Variants in KCNC2 observed in about 807,000 individuals in gnomAD.
KCNC2 encodes potassium voltage-gated channel subfamily C member 2.
In KCNC2, 21 loss-of-function variants were observed where a neutral mutation model predicts 44.5. The observed-to-expected ratio is 0.47, with a 90% CI of 0.33 to 0.68. The LOEUF (loss-of-function observed/expected upper bound fraction) is 0.68. KCNC2 is among the 30% of genes least tolerant of loss of function. The probability of loss-of-function intolerance (pLI) is 0.01; values close to 1 mark genes in which losing one functional copy is unlikely to be tolerated. For missense variants in KCNC2, 589 were observed against 826.2 expected, an observed-to-expected ratio of 0.71 and a Z score of 3.52; for synonymous variants, 391 against 339.1, an observed-to-expected ratio of 1.15 and a Z score of -1.68.
At chr12:75,096,615 T>C (rs1885946446) in intron 2 of KCNC2, among the ~76,000 whole-genome samples, 1 of 151,952 alleles carries the variant, frequency 6.6e-6, no homozygotes. Context: ...AAGAGGCAGG[T>C]AATTAGGCAA....
intron 2 of KCNC2, among the ~76,000 whole-genome samples, chr12:75,154,175 A>G (rs1408736409): frequency 6.6e-6 from 1 of 152,050 alleles, no homozygotes; most frequent in Non-Finnish European, 1.5e-5. Flanking sequence ...TAGATAGAGC[A>G]TGCTGAAGTA....
chr12:75,181,916 C>CTTTTTTTTTTTTTTTTTTTTTTTTTTT lies in KCNC2; in HGVS notation c.687+25354_687+25380dup, dbSNP rs61089425. ...AAACATTATTACTATTAATATCTTCCTTTTTTTTTTTTTTTTTTTTTTTTT... is the reference window on the plus strand; with the variant it reads ...AAACATTATTACTATTAATATCTTCCTTTTTTTTTTTTTTTTTTTTTTTTTTTTTTTTTTTTTTTTTTTTTTTTTTTT... On this transcript the variant is annotated intron_variant, in intron 2 of 4. Coordinates refer to ENST00000549446, the MANE Select transcript of KCNC2 (RefSeq NM_139137.4). Among the ~76,000 whole-genome samples the CTTTTTTTTTTTTTTTTTTTTTTTTTTT allele has an allele frequency of 6.3e-5, 3 of 47,876 alleles. 1 individual carries two copies. The highest frequency in any genetic ancestry group is 4.0e-5 in the Non-Finnish European group (1 of 25,268). The allele number at this position is 47,876 out of a possible 152,430, so 31.4% of individuals were successfully genotyped here. A position where few individuals can be genotyped will look rare whatever the true frequency, so the allele number is the denominator to read the frequency against.
At chr12:75,189,231 C>A (rs2029959153) in intron 2 of KCNC2, among the ~76,000 whole-genome samples, 1 of 152,154 alleles carries the variant, frequency 6.6e-6, no homozygotes. Flanking sequence ...ACTTCTCCAA[C>A]AATATTGTTT....
At chr12:75,130,904 C>A (rs903428235) in intron 2 of KCNC2, among the ~76,000 whole-genome samples, 1 of 152,116 alleles carries the variant, frequency 6.6e-6, no homozygotes, top group East Asian at 1.9e-4. Flanking sequence ...GAGTGAATGA[C>A]CAACATCTGC....
In KCNC2 at chr12:75,182,537, A is replaced by C. The variant is rs199610849; in HGVS notation, c.687+24760T>G. Among the ~76,000 whole-genome samples the C allele has an allele frequency of 2.8e-3, 376 of 132,278 alleles. 1 individual carries two copies. Among genetic ancestry groups the C allele is most frequent in the African/African-American group, 8.5e-3 (309 of 36,226 alleles). The allele number at this position is 132,278 out of a possible 152,430, so 86.8% of individuals were successfully genotyped here. A position where few individuals can be genotyped will look rare whatever the true frequency, so the allele number is the denominator to read the frequency against. On this transcript the variant is annotated intron_variant, in intron 2 of 4. Transcript: ENST00000549446. The stretch of plus-strand genomic sequence containing the variant: ...TTCCGTCTCAAAAAAAAAAAAAAAA[A>C]CAAAAAAAACAAAAAAAAACAAACA...
At chr12:75,120,132 G>A (rs955216644) in intron 2 of KCNC2, among the ~76,000 whole-genome samples, 31 of 152,284 alleles carry the variant, frequency 2.0e-4, no homozygotes, top group Non-Finnish European at 3.4e-4. Context: ...ATGAGCTTCA[G>A]TTTGATATTT....
chr12:75,153,648 T>C (rs1428093897), intron 2 of KCNC2, among the ~76,000 whole-genome samples: 2 of 150,262 alleles, frequency 1.3e-5, no homozygotes, highest in African/African-American at 4.9e-5. Flanking sequence ...TAAATATGTT[T>C]CTGCAAAAAA....
chr12:75,122,920 A>T (rs987791699), intron 2 of KCNC2, among the ~76,000 whole-genome samples: 1 of 152,280 alleles, frequency 6.6e-6, no homozygotes, highest in African/African-American at 2.4e-5. Flanking sequence ...ATCTGCCTTG[A>T]TAATTTACAA....
chr12:75,097,155 GC>G (rs1565851347), intron 2 of KCNC2, among the ~76,000 whole-genome samples: 1 of 152,032 alleles, frequency 6.6e-6, no homozygotes, highest in Non-Finnish European at 1.5e-5. Flanking sequence ...ATCCAAAAAG[GC>G]TACATACTGT....
intron 2 of KCNC2, among the ~76,000 whole-genome samples, chr12:75,130,248 ATC>A (rs1455286299): frequency 6.6e-6 from 1 of 152,138 alleles, no homozygotes; most frequent in Non-Finnish European, 1.5e-5. Flanking sequence ...ATGTATTTAT[ATC>A]TCTTTCAATT....
chr12:75,056,923 G>A lies in KCNC2; in HGVS notation c.688-5606C>T, dbSNP rs1881807229. Among the ~76,000 whole-genome samples the A allele has an allele frequency of 1.3e-5, 2 of 151,864 alleles. 1 individual carries two copies. Among genetic ancestry groups the A allele is most frequent in the South Asian group, 4.1e-4 (2 of 4,832 alleles). On this transcript the variant is annotated intron_variant, in intron 2 of 4. Transcript: ENST00000549446. ...TTTCTCATTACATACAACTAATAAA[G>A]CAAATGAACAGAAACACTATATTTT...
chr12:75,160,837 T>C (rs1357998506), intron 2 of KCNC2, among the ~76,000 whole-genome samples: 1 of 151,804 alleles, frequency 6.6e-6, no homozygotes, highest in Non-Finnish European at 1.5e-5. Flanking sequence ...ATAATATGTA[T>C]GGTAGTTCAT....
intron 2 of KCNC2, among the ~76,000 whole-genome samples, chr12:75,052,232 A>G (rs1460937876): frequency 6.6e-6 from 1 of 152,106 alleles, no homozygotes; most frequent in Non-Finnish European, 1.5e-5. Context: ...CAGTTCAGGG[A>G]TATCAGGACA....
intron 2 of KCNC2, among the ~76,000 whole-genome samples, chr12:75,155,981 A>G (rs1392717814): frequency 2.0e-5 from 3 of 151,570 alleles, no homozygotes; most frequent in Non-Finnish European, 2.9e-5. Flanking sequence ...AATGAGGCAC[A>G]GTTTCTTTAG....
At position 75,041,049 on chromosome 12, in the gene KCNC2, G is replaced by A. The variant is rs1879840171; in HGVS notation, c.*2056C>T. On this transcript the variant is annotated 3_prime_UTR_variant, in exon 5 of 5. Transcript: ENST00000549446. ...GCCGCAGTTCTTTTATAAGCTTTAA[G>A]TGCCTCATGAAGACGCGAGGATCTC... 1 of 1,421,278 alleles carries A rather than the reference G, an allele frequency of 7.0e-7. No individual in the cohort carries two copies. Among genetic ancestry groups the A allele is most frequent in the Admixed American group, 1.7e-5 (1 of 59,176 alleles). 88.0% of individuals were successfully genotyped at this position (1,421,278 alleles called of 1,614,324 possible).
chr12:75,186,753 A>T (rs1038058978), intron 2 of KCNC2, among the ~76,000 whole-genome samples: 3 of 152,200 alleles, frequency 2.0e-5, no homozygotes, highest in Non-Finnish European at 4.4e-5. Context: ...TATTTTCATG[A>T]TACTTTATTT....
At chr12:75,124,713 A>G (rs1057263824) in intron 2 of KCNC2, 12 of 152,220 alleles carry the variant, frequency 7.9e-5, no homozygotes, top group African/African-American at 2.4e-4. Context: ...CATTCTGTAC[A>G]AAAGTTTATA....
rs576564303 is a variant in KCNC2 at position 75,158,557 on chromosome 12, G to C, written c.687+48740C>G. 6.6e-5 allele frequency among the ~76,000 whole-genome samples: 10 copies of C among 151,858 alleles called. No individual in the cohort carries two copies. The South Asian group carries it at 2.1e-3, about 32-fold the overall frequency. On this transcript the variant is annotated intron_variant, in intron 2 of 4. Coordinates refer to ENST00000549446, the MANE Select transcript of KCNC2 (RefSeq NM_139137.4). Reference sequence around the variant, plus strand: ...CCTGGCGCTTTGAAATCAAAAGCAAGGTTTTTTCATGGTTATGACATTTCC... The same window carrying C: ...CCTGGCGCTTTGAAATCAAAAGCAACGTTTTTTCATGGTTATGACATTTCC...
At chr12:75,164,476 A>T (rs1254293024) in intron 2 of KCNC2, among the ~76,000 whole-genome samples, 1 of 151,702 alleles carries the variant, frequency 6.6e-6, no homozygotes, top group Non-Finnish European at 1.5e-5. Flanking sequence ...CAATTTCTAG[A>T]AAACATTCAT....
Sources: allele counts gnomAD v4.1 joint callset (sites outside exome capture counted in the v4.1 genomes callset), GRCh38; gene constraint gnomAD v4.1.1; transcripts MANE v1.5; gene names NCBI Gene and HGNC (gene_info 2026-07-23, HGNC 2026-07-21).